OR4D10: variants seen among roughly 807,000 people sequenced by gnomAD.
OR4D10 encodes the protein olfactory receptor 4D10.
For missense variants in OR4D10, 395 were observed against 378.0 expected (o/e 1.04, Z -0.37); for synonymous variants, 188 against 153.2 (o/e 1.23, Z -1.68).
rs1565084194 is a variant in OR4D10 at position 59,478,013 on chromosome 11, T to G, written c.584T>G (p.Leu195Arg). 1.2e-6 allele frequency: 2 copies of G among 1,614,042 alleles called. No homozygotes were observed. Among genetic ancestry groups the G allele is most frequent in the African/African-American group, 2.7e-5 (2 of 74,912 alleles). The change falls in exon 3 of 3, where the codon CTT becomes CGT. Residue 195 changes from leucine to arginine, a missense_variant. Transcript: ENST00000530162. ...CTGGCCCATACAGACATTTTCATAC[T>G]TGAACTACTAATGATTTCCAACAAT... ...LKLAHTDIFI[L>R]ELLMISNNGL...
At position 59,477,954 on chromosome 11, in the gene OR4D10, C is replaced by A; in HGVS notation, c.525C>A (p.Asp175Glu). The change falls in exon 3 of 3, where the codon GAC becomes GAA. Residue 175 changes from aspartate to glutamate, a missense_variant. Coordinates refer to ENST00000530162, the MANE Select transcript of OR4D10 (RefSeq NM_001004705.2). Reference sequence around the variant, plus strand: ...CTTTCTGCGGACCCAATGTTCTTGACACTTTCTACTGTGATGTCCACCGGG... The same window carrying A: ...CTTTCTGCGGACCCAATGTTCTTGAAACTTTCTACTGTGATGTCCACCGGG... ...PLPFCGPNVL[D>E]TFYCDVHRVL... 6.2e-7 allele frequency: 1 copy of A among 1,614,160 alleles called. No individual in the cohort carries two copies. The highest frequency in any genetic ancestry group is 2.2e-5 in the East Asian group (1 of 44,880).
At chr11:59,475,692 G>T (rs753814550) in intron 2 of OR4D10, among the ~76,000 whole-genome samples, 4 of 152,180 alleles carry the variant, frequency 2.6e-5, no homozygotes, top group Non-Finnish European at 5.9e-5. Context: ...GGATTCATTG[G>T]CTAAACAAAA....
At position 59,477,699 on chromosome 11, in the gene OR4D10, G is replaced by A. The variant is rs773288907; in HGVS notation, c.270G>A (p.Lys90=). ...TGGTGGACCTTCTGTCTGAAAGAAA[G>A]ACCATCTCCTTCAATCATTGCTTCA... is the stretch of plus-strand genomic sequence containing the variant. The part of the protein sequence containing the change: ...KVLVDLLSER[K]TISFNHCFTQ... Residue 90 remains lysine (K), a synonymous_variant, in exon 3 of 3, where the codon AAG becomes AAA. Coordinates refer to ENST00000530162, the MANE Select transcript of OR4D10 (RefSeq NM_001004705.2). 5.0e-6 allele frequency: 8 copies of A among 1,614,122 alleles called. No individual in the cohort carries two copies. Among genetic ancestry groups the A allele is most frequent in the Non-Finnish European group, 5.9e-6 (7 of 1,179,988 alleles).
chr11:59,473,876 C>A (rs1429611812), intron 2 of OR4D10, 83 bp downstream of exon 2: 1 of 152,184 alleles, frequency 6.6e-6, no homozygotes, highest in Non-Finnish European at 1.5e-5. Flanking sequence ...GAGGAGGCAT[C>A]ATGCATTCAC....
rs1858927801 is a variant in OR4D10, at chr11:59,477,952, G to A, written c.523G>A (p.Asp175Asn). 1 of 1,613,940 alleles carries A rather than the reference G, an allele frequency of 6.2e-7. No homozygotes were observed. Among genetic ancestry groups the A allele is most frequent in the African/African-American group, 1.3e-5 (1 of 74,880 alleles). Residue 175 changes from aspartate to asparagine, a missense_variant, in exon 3 of 3, where the codon GAC becomes AAC. Coordinates refer to ENST00000530162, the MANE Select transcript of OR4D10 (RefSeq NM_001004705.2). ...CCCTTTCTGCGGACCCAATGTTCTTGACACTTTCTACTGTGATGTCCACCG... is the reference window on the plus strand; with the variant it reads ...CCCTTTCTGCGGACCCAATGTTCTTAACACTTTCTACTGTGATGTCCACCG... Reference protein sequence around the residue: ...PLPFCGPNVLDTFYCDVHRVL... With the variant: ...PLPFCGPNVLNTFYCDVHRVL...
chr11:59,475,912 C>T (rs953739285), intron 2 of OR4D10, among the ~76,000 whole-genome samples: 4 of 152,170 alleles, frequency 2.6e-5, no homozygotes, highest in Non-Finnish European at 5.9e-5. Flanking sequence ...GACTGTTTTT[C>T]TGCCACCTTT....
At position 59,478,612 on chromosome 11, in the gene OR4D10, A is replaced by G. The variant is rs1242118874; in HGVS notation, c.*247A>G. On this transcript the variant is annotated 3_prime_UTR_variant, in exon 3 of 3. Coordinates refer to ENST00000530162, the MANE Select transcript of OR4D10 (RefSeq NM_001004705.2). ...GATTTTGTTTCATGATTTTTCTTCC[A>G]TGGACTCCAAGTTCTGAAAGTGTTG... 2.8e-6 allele frequency: 1 copy of G among 353,578 alleles called. No individual in the cohort carries two copies. The highest frequency in any genetic ancestry group is 2.1e-5 in the African/African-American group (1 of 47,364). The allele number at this position is 353,578 out of a possible 1,614,324, so 21.9% of individuals were successfully genotyped here.
At chr11:59,475,418 T>A (rs995544270) in intron 2 of OR4D10, among the ~76,000 whole-genome samples, 1 of 152,074 alleles carries the variant, frequency 6.6e-6, no homozygotes. Flanking sequence ...TCCTGGAAAT[T>A]CATCTAAATT....
At position 59,477,937 on chromosome 11, in the gene OR4D10, G is replaced by A. The variant is rs201321935; in HGVS notation, c.508G>A (p.Gly170Arg). The stretch of plus-strand genomic sequence containing the variant: ...CCTGTTGCTCCCACTCCCTTTCTGC[G>A]GACCCAATGTTCTTGACACTTTCTA... ...ISLLLPLPFC[G>R]PNVLDTFYCD... Residue 170 changes from glycine (G) to arginine (R), a missense_variant, in exon 3 of 3, where the codon GGA (glycine) becomes AGA (arginine). Transcript: ENST00000530162. 56 of 1,614,048 alleles carry A rather than the reference G, an allele frequency of 3.5e-5. 2 individuals carry two copies. In the South Asian group the frequency reaches 4.0e-4, roughly 11 times the overall value.
chr11:59,476,541 T>C (rs766221658), intron 2 of OR4D10, among the ~76,000 whole-genome samples: 7 of 142,570 alleles, frequency 4.9e-5, no homozygotes, highest in Non-Finnish European at 8.9e-5. Context: ...CCACCACGCA[T>C]GGCTAATTTT....
In OR4D10 at chr11:59,477,433, G is replaced by A. The variant is rs779728408; in HGVS notation, c.4G>A (p.Glu2Lys). 2.6e-6 allele frequency: 4 copies of A among 1,554,206 alleles called. No individual in the cohort carries two copies. The highest frequency in any genetic ancestry group is 3.5e-6 in the Non-Finnish European group (4 of 1,151,716). M[E>K]MENCTRVKEF... is the part of the protein sequence containing the mutation. ...AGAGAATAAAGAGGATGATTGAATGGAGATGGAAAACTGCACCAGGGTAAA... is the reference window on the plus strand; with the variant it reads ...AGAGAATAAAGAGGATGATTGAATGAAGATGGAAAACTGCACCAGGGTAAA... Residue 2 changes from glutamate to lysine, a missense_variant, in exon 3 of 3, where the codon GAG becomes AAG. Physicochemically the swap from Glu to Lys is moderately conservative, Grantham distance 56. Coordinates refer to ENST00000530162, the MANE Select transcript of OR4D10 (RefSeq NM_001004705.2).
Position 59,477,772 on chromosome 11 carries a change from C to G in OR4D10, c.343C>G (p.Leu115Val). The change falls in exon 3 of 3, where the codon CTT (leucine) becomes GTT (valine). Residue 115 changes from leucine to valine, a missense_variant. Coordinates refer to ENST00000530162, the MANE Select transcript of OR4D10 (RefSeq NM_001004705.2). ...HLIGGVDVFS[L>V]SVMALDRYVA... ...TATTGGAGGGGTGGATGTATTTTCT[C>G]TTTCGGTGATGGCATTGGATCGATA... 6.2e-7 allele frequency: 1 copy of G among 1,614,114 alleles called. No homozygotes were observed. The highest frequency in any genetic ancestry group is 8.5e-7 in the Non-Finnish European group (1 of 1,180,024).
rs769909222 is a variant in OR4D10 at position 59,477,774 on chromosome 11, T to A, written c.345T>A (p.Leu115=). Residue 115 remains leucine, a synonymous_variant, in exon 3 of 3, where the codon CTT becomes CTA. Coordinates refer to ENST00000530162, the MANE Select transcript of OR4D10 (RefSeq NM_001004705.2). ...TTGGAGGGGTGGATGTATTTTCTCT[T>A]TCGGTGATGGCATTGGATCGATATG... ...HLIGGVDVFS[L]SVMALDRYVA... 6.2e-7 allele frequency: 1 copy of A among 1,614,162 alleles called. No individual in the cohort carries two copies. The highest frequency in any genetic ancestry group is 2.2e-5 in the East Asian group (1 of 44,882).
chr11:59,477,437 T>C lies in OR4D10; in HGVS notation c.8T>C (p.Met3Thr). The C allele has an allele frequency of 2.6e-6, 4 of 1,558,716 alleles. No individual in the cohort carries two copies. Among genetic ancestry groups the C allele is most frequent in the Non-Finnish European group, 3.5e-6 (4 of 1,153,790 alleles). Residue 3 changes from methionine (M) to threonine (T), a missense_variant, in exon 3 of 3, where the codon ATG becomes ACG. Coordinates refer to ENST00000530162, the MANE Select transcript of OR4D10 (RefSeq NM_001004705.2). ...AATAAAGAGGATGATTGAATGGAGA[T>C]GGAAAACTGCACCAGGGTAAAAGAA... ME[M>T]ENCTRVKEFI...
intron 2 of OR4D10, among the ~76,000 whole-genome samples, chr11:59,474,628 G>C (rs1282049383): frequency 6.6e-6 from 1 of 152,032 alleles, no homozygotes; most frequent in Non-Finnish European, 1.5e-5. Flanking sequence ...TACAGTATCC[G>C]CTGCCTCCCA....
chr11:59,479,318 G>A lies in OR4D10; in HGVS notation c.*953G>A, dbSNP rs1226152920. On this transcript the variant is annotated 3_prime_UTR_variant, in exon 3 of 3. Transcript: ENST00000530162. ...ACTTGATATACTCTGTGGCCTGTGA[G>A]TTTCTACAAATGACAAAAACACATT... 1 of 152,106 alleles carries A rather than the reference G, an allele frequency of 6.6e-6. No individual in the cohort carries two copies. The highest frequency in any genetic ancestry group is 1.5e-5 in the Non-Finnish European group (1 of 68,038). 9.4% of individuals were successfully genotyped at this position (152,106 alleles called of 1,614,324 possible).
In OR4D10 at chr11:59,478,614, G is replaced by A; in HGVS notation, c.*249G>A. 2.9e-6 allele frequency: 1 copy of A among 349,976 alleles called. No homozygotes were observed. Among genetic ancestry groups the A allele is most frequent in the Admixed American group, 4.2e-5 (1 of 23,852 alleles). 21.7% of individuals were successfully genotyped at this position (349,976 alleles called of 1,614,324 possible). On this transcript the variant is annotated 3_prime_UTR_variant, in exon 3 of 3. Coordinates refer to ENST00000530162, the MANE Select transcript of OR4D10 (RefSeq NM_001004705.2). ...TTTTGTTTCATGATTTTTCTTCCAT[G>A]GACTCCAAGTTCTGAAAGTGTTGCC...
rs1388417931 is a variant in OR4D10 at position 59,478,187 on chromosome 11, C to A, written c.758C>A (p.Pro253His). The A allele has an allele frequency of 6.2e-7, 1 of 1,613,966 alleles. No homozygotes were observed. Residue 253 changes from proline (P) to histidine (H), a missense_variant, in exon 3 of 3, where the codon CCC becomes CAC. By Grantham distance (77) the Pro-to-His change is moderately conservative (BLOSUM62 -2). Coordinates refer to ENST00000530162, the MANE Select transcript of OR4D10 (RefSeq NM_001004705.2). ...ACTGTGGTGACCCTGCATTTCGTGC[C>A]CTGCATCTATGTCTATGCCCGGCCC... ...HITVVTLHFV[P>H]CIYVYARPFT...
rs775930978 is a variant in OR4D10 at position 59,477,670 on chromosome 11, G to T, written c.241G>T (p.Val81Phe). The change falls in exon 3 of 3, where the codon GTT becomes TTT. Residue 81 changes from valine (V) to phenylalanine (F), a missense_variant. Val to Phe is a conservative substitution (Grantham distance 50, BLOSUM62 -1). Coordinates refer to ENST00000530162, the MANE Select transcript of OR4D10 (RefSeq NM_001004705.2). ...CTTCTCTTCCATCACAGTGCCCAAG[G>T]TTCTGGTGGACCTTCTGTCTGAAAG... Reference protein sequence around the residue: ...ICFSSITVPKVLVDLLSERKT... With the variant: ...ICFSSITVPKFLVDLLSERKT... 5.0e-6 allele frequency: 8 copies of T among 1,613,996 alleles called. No individual in the cohort carries two copies. Among genetic ancestry groups the T allele is most frequent in the East Asian group, 4.5e-5 (2 of 44,894 alleles).
Sources: gnomAD v4.1 joint callset for allele counts (sites outside exome capture counted in the v4.1 genomes callset) on GRCh38, gnomAD v4.1.1 for gene constraint, MANE v1.5 for transcripts, NCBI Gene and HGNC (gene_info 2026-07-23, HGNC 2026-07-21) for gene names.